The following EXOC4 variants were observed in gnomAD, a reference collection of about 807,000 sequenced individuals.
EXOC4 encodes SEC8-like 1.
In EXOC4, 71 loss-of-function variants were observed where a neutral mutation model predicts 107.2. That is an observed-to-expected ratio of 0.66 (90% CI 0.55 to 0.81). The LOEUF is 0.81. Among genes scored for constraint, EXOC4 ranks in the 30% least tolerant of loss-of-function variants. The probability of loss-of-function intolerance (pLI) is 0.00; values close to 1 mark genes in which losing one functional copy is unlikely to be tolerated. For missense variants in EXOC4, 1,108 were observed against 1,189.6 expected, an observed-to-expected ratio of 0.93 and a Z score of 1.01; for synonymous variants, 456 against 441.2, an observed-to-expected ratio of 1.03 and a Z score of -0.42.
intron 10 of EXOC4, among the ~76,000 whole-genome samples, chr7:133,655,225 T>C (rs1327925160): frequency 6.6e-6 from 1 of 152,186 alleles, no homozygotes; most frequent in East Asian, 1.9e-4. Context: ...ATAGTTGACA[T>C]ATTGTACACA....
chr7:134,045,105 A>G (rs182265650), intron 17 of EXOC4, among the ~76,000 whole-genome samples: 171 of 152,352 alleles, frequency 1.1e-3, no homozygotes, highest in African/African-American at 3.9e-3. Flanking sequence ...CCTGGTATAT[A>G]GTAAGTGTTA....
At chr7:133,484,521 C>T (rs1290005759) in intron 9 of EXOC4, among the ~76,000 whole-genome samples, 3 of 151,780 alleles carry the variant, frequency 2.0e-5, no homozygotes, top group Non-Finnish European at 4.4e-5. Context: ...TTGATGAACA[C>T]ATTATCTGGT....
intron 7 of EXOC4, among the ~76,000 whole-genome samples, chr7:133,376,702 G>A (rs1270781537): frequency 1.3e-5 from 2 of 152,200 alleles, no homozygotes; most frequent in African/African-American, 4.8e-5. Context: ...AAACTTCTCA[G>A]CAGTGTTGGA....
chr7:133,348,352 T>G (rs553049401), intron 5 of EXOC4, among the ~76,000 whole-genome samples: 8 of 152,198 alleles, frequency 5.3e-5, no homozygotes, highest in Admixed American at 1.3e-4. Flanking sequence ...CTGTGTCATT[T>G]TATTATTCAT....
intron 10 of EXOC4, among the ~76,000 whole-genome samples, chr7:133,816,689 G>A (rs1797377245): frequency 6.6e-6 from 1 of 152,176 alleles, no homozygotes; most frequent in Non-Finnish European, 1.5e-5. Context: ...GGGAAAGATG[G>A]TTTCGGAATG....
chr7:133,539,612 T>A (rs1437861435), intron 9 of EXOC4, among the ~76,000 whole-genome samples: 4 of 152,048 alleles, frequency 2.6e-5, no homozygotes, highest in African/African-American at 9.7e-5. Flanking sequence ...ATATATATTC[T>A]CTCTAAAAGC....
intron 14 of EXOC4, among the ~76,000 whole-genome samples, chr7:133,952,635 C>T (rs1800719200): frequency 6.6e-6 from 1 of 152,146 alleles, no homozygotes; most frequent in Non-Finnish European, 1.5e-5. Flanking sequence ...ATTCCTTAAA[C>T]AATAATCCCT....
At chr7:133,773,473 A>G (rs1359089188) in intron 10 of EXOC4, among the ~76,000 whole-genome samples, 1 of 150,734 alleles carries the variant, frequency 6.6e-6, no homozygotes, top group Non-Finnish European at 1.5e-5. Context: ...TTTTATTATT[A>G]TTATTATTAT....
At chr7:133,268,839 T>G (rs1431098431) in intron 1 of EXOC4, among the ~76,000 whole-genome samples, 1 of 152,176 alleles carries the variant, frequency 6.6e-6, no homozygotes, top group Non-Finnish European at 1.5e-5. Context: ...GTAAATAAAT[T>G]CCTTCCTGGG....
intron 11 of EXOC4, among the ~76,000 whole-genome samples, chr7:133,865,552 CACTGCTA>C (rs141986687): frequency 0.012 from 1,842 of 152,248 alleles, 45 homozygotes; most frequent in African/African-American, 0.042. Flanking sequence ...TCTGTTCTCA[CACTGCTA>C]TAAAGGACTA....
At chr7:133,561,566 C>G (rs377529159) in intron 9 of EXOC4, among the ~76,000 whole-genome samples, 17 of 152,256 alleles carry the variant, frequency 1.1e-4, no homozygotes, top group African/African-American at 3.9e-4. Flanking sequence ...TTGGGCATTC[C>G]TCACTGAGCT....
chr7:133,763,506 G>GTA (rs773197469), intron 10 of EXOC4, among the ~76,000 whole-genome samples: 3 of 152,120 alleles, frequency 2.0e-5, no homozygotes, highest in Non-Finnish European at 2.9e-5. Flanking sequence ...GCCAGATTAT[G>GTA]TAACCTCTTG....
At chr7:133,327,817 T>A (rs1166525956) in intron 5 of EXOC4, among the ~76,000 whole-genome samples, 1 of 152,180 alleles carries the variant, frequency 6.6e-6, no homozygotes, top group Non-Finnish European at 1.5e-5. Flanking sequence ...TTGTTATGAT[T>A]TCCGTTCTTT....
chr7:133,833,977 G>A (rs148979633), intron 11 of EXOC4, among the ~76,000 whole-genome samples: 307 of 152,112 alleles, frequency 2.0e-3, no homozygotes, highest in Non-Finnish European at 3.4e-3. Flanking sequence ...TATGTTTACC[G>A]CCTAGCAGAT....
intron 9 of EXOC4, among the ~76,000 whole-genome samples, chr7:133,591,207 T>A (rs73726924): frequency 2.8e-5 from 2 of 70,702 alleles, no homozygotes; most frequent in African/African-American, 1.0e-4. Context: ...ATTTTTAAAA[T>A]TTTTTTTGGA....
At chr7:133,396,084 C>T (rs1232955920) in intron 7 of EXOC4, 1 of 152,128 alleles carries the variant, frequency 6.6e-6, no homozygotes, top group African/African-American at 2.4e-5. Context: ...ATCAGCATCA[C>T]TTAGGAACTA....
At chr7:133,458,008 T>C (rs941227521) in intron 7 of EXOC4, among the ~76,000 whole-genome samples, 3 of 152,184 alleles carry the variant, frequency 2.0e-5, no homozygotes, top group Non-Finnish European at 4.4e-5. Context: ...AGAAGTATAA[T>C]CAGAGACCAA....
intron 7 of EXOC4, among the ~76,000 whole-genome samples, chr7:133,416,719 C>T (rs905200999): frequency 1.3e-5 from 2 of 152,010 alleles, no homozygotes; most frequent in Non-Finnish European, 2.9e-5. Context: ...TTGAGGAAAA[C>T]GTTTCAGAAC....
chr7:133,469,520 G>C (rs1324774155), intron 7 of EXOC4, among the ~76,000 whole-genome samples: 1 of 152,108 alleles, frequency 6.6e-6, no homozygotes, highest in Non-Finnish European at 1.5e-5. Context: ...GTTTTTATGA[G>C]ATGCCAGTAT....
Sources: allele counts gnomAD v4.1 joint callset (sites outside exome capture counted in the v4.1 genomes callset), GRCh38; gene constraint gnomAD v4.1.1; transcripts MANE v1.5; gene names NCBI Gene and HGNC (gene_info 2026-07-23, HGNC 2026-07-21).